AKAP8L: variants seen among roughly 807,000 people sequenced by gnomAD.
The protein encoded by AKAP8L is A-kinase anchor protein 8-like.
AKAP8L carries 34 observed loss-of-function variants against 77.5 expected under a neutral mutation model. The observed-to-expected ratio is 0.44, with a 90% CI of 0.33 to 0.58. The LOEUF is 0.58. Ranked by LOEUF, AKAP8L falls within the 20% of genes least tolerant of loss-of-function variation. The probability of loss-of-function intolerance (pLI) is 0.02; values close to 1 mark genes in which losing one functional copy is unlikely to be tolerated. For synonymous variants in AKAP8L, 342 were observed against 340.7 expected (o/e 1.00, Z -0.04); for missense variants, 806 against 887.6 (o/e 0.91, Z 1.17).
intron 12 of AKAP8L, among the ~76,000 whole-genome samples, chr19:15,385,275 C>A (rs1431121038): frequency 6.7e-6 from 1 of 150,362 alleles, no homozygotes; most frequent in African/African-American, 2.5e-5. Flanking sequence ...CCGCGCCCGG[C>A]CTTTCATGCC....
chr19:15,386,112 G>A (rs917708837), intron 12 of AKAP8L, among the ~76,000 whole-genome samples: 2 of 151,702 alleles, frequency 1.3e-5, no homozygotes, highest in African/African-American at 2.4e-5. Flanking sequence ...GGGTTTCACC[G>A]TGTTAGCCAG....
intron 12 of AKAP8L, among the ~76,000 whole-genome samples, chr19:15,389,219 C>T (rs1475103084): frequency 3.1e-5 from 4 of 127,796 alleles, no homozygotes; most frequent in Middle Eastern, 4.3e-3. Flanking sequence ...AGCGAGACTC[C>T]ATCACAAAAA....
At chr19:15,400,027 C>G in intron 8 of AKAP8L, 1 of 552,452 alleles carries the variant, frequency 1.8e-6, no homozygotes, top group Non-Finnish European at 3.2e-6. Context: ...GTTCCCCACA[C>G]TTTTACTAGC....
rs1193576364 is a variant in AKAP8L, at chr19:15,398,645, T to G, written c.1157+657A>C. On this transcript the variant is annotated intron_variant, in intron 9 of 13. Coordinates refer to ENST00000397410, the MANE Select transcript of AKAP8L (RefSeq NM_014371.4). This position sits in a 1 kb window ranked among gnomAD's most constrained non-coding sequence, Gnocchi z 9.2. ...GGGTCCCTACCTCTGCCGGACGTCC[T>G]TATCTGGGCCACGGGGTCAGCTTTG... is the stretch of plus-strand genomic sequence containing the variant. The G allele has an allele frequency of 2.0e-6, 2 of 986,448 alleles. No individual in the cohort carries two copies. The highest frequency in any genetic ancestry group is 3.5e-5 in the African/African-American group (2 of 57,166). The allele number at this position is 986,448 out of a possible 1,614,324, so 61.1% of individuals were successfully genotyped here.
At chr19:15,388,937 G>A (rs1480722688) in intron 12 of AKAP8L, among the ~76,000 whole-genome samples, 1 of 147,402 alleles carries the variant, frequency 6.8e-6, no homozygotes, top group Non-Finnish European at 1.5e-5. Flanking sequence ...GAACTTGGCC[G>A]AGCTCGGTGG....
Position 15,401,701 on chromosome 19 carries a change from A to C in AKAP8L, c.363-98T>G. On this transcript the variant is annotated intron_variant, in intron 4 of 13. Coordinates refer to ENST00000397410, the MANE Select transcript of AKAP8L (RefSeq NM_014371.4). The surrounding 1 kb of genome is among the most constrained non-coding windows in gnomAD (Gnocchi z 6.2). Reference sequence around the variant, plus strand: ...TCCCCAATCTCCCAGTCCAGCACCCACCCTGCCCTGGTTGGGAGGCTCAAT... The same window carrying C: ...TCCCCAATCTCCCAGTCCAGCACCCCCCCTGCCCTGGTTGGGAGGCTCAAT... 1 of 972,350 alleles carries C rather than the reference A, an allele frequency of 1.0e-6. No individual in the cohort carries two copies. The highest frequency in any genetic ancestry group is 1.5e-6 in the Non-Finnish European group (1 of 672,778). 60.2% of individuals were successfully genotyped at this position (972,350 alleles called of 1,614,324 possible). A position where few individuals can be genotyped will look rare whatever the true frequency, so the allele number is the denominator to read the frequency against.
intron 1 of AKAP8L, among the ~76,000 whole-genome samples, chr19:15,412,193 G>A (rs1188640587): frequency 6.6e-6 from 1 of 152,120 alleles, no homozygotes; most frequent in Non-Finnish European, 1.5e-5. Context: ...AGGCGACAGA[G>A]CAAGACTCCG....
chr19:15,393,001 A>G (rs566137397), intron 12 of AKAP8L, among the ~76,000 whole-genome samples: 58 of 152,228 alleles, frequency 3.8e-4, no homozygotes, highest in African/African-American at 1.3e-3. Context: ...AAATGAAAAG[A>G]CATCCCATAT....
chr19:15,418,604 C>G (rs1042832096), intron 1 of AKAP8L, among the ~76,000 whole-genome samples: 2 of 152,144 alleles, frequency 1.3e-5, no homozygotes, highest in African/African-American at 4.8e-5. Flanking sequence ...GGTCCAGGAG[C>G]GCAGGCCAGG....
intron 8 of AKAP8L, 54 bp downstream of exon 8, chr19:15,400,241 A>G (rs1367998399): frequency 2.5e-6 from 4 of 1,589,312 alleles, no homozygotes; most frequent in Admixed American, 1.7e-5. Context: ...GGTCCCTCCC[A>G]CTGTGAGCCC....
chr19:15,395,396 A>G (rs1454257211), intron 12 of AKAP8L, among the ~76,000 whole-genome samples: 10 of 151,700 alleles, frequency 6.6e-5, no homozygotes, highest in Non-Finnish European at 1.0e-4. Flanking sequence ...GCTCACTGCC[A>G]CCTCTGCCTC....
chr19:15,386,964 TC>T (rs1967551838), intron 12 of AKAP8L, among the ~76,000 whole-genome samples: 1 of 152,140 alleles, frequency 6.6e-6, no homozygotes, highest in Non-Finnish European at 1.5e-5. Context: ...CAGCCGGATG[TC>T]AGTATCTCTC....
Position 15,401,677 on chromosome 19 carries a change from C to G in AKAP8L, c.363-74G>C. The G allele has an allele frequency of 8.2e-7, 1 of 1,213,050 alleles. No individual in the cohort carries two copies. Among genetic ancestry groups the G allele is most frequent in the East Asian group, 2.6e-5 (1 of 39,062 alleles). The allele number at this position is 1,213,050 out of a possible 1,614,324, so 75.1% of individuals were successfully genotyped here. A position where few individuals can be genotyped will look rare whatever the true frequency, so the allele number is the denominator to read the frequency against. ...ACCTCCAGGCAACTGCTCCTGCCCT[C>G]CCCAATCTCCCAGTCCAGCACCCAC... is the stretch of plus-strand genomic sequence containing the variant. On this transcript the variant is annotated intron_variant, in intron 4 of 13. Coordinates refer to ENST00000397410, the MANE Select transcript of AKAP8L (RefSeq NM_014371.4). The surrounding 1 kb of genome is among the most constrained non-coding windows in gnomAD (Gnocchi z 6.2).
In AKAP8L at chr19:15,401,574, C is replaced by T. The variant is rs1260541021; in HGVS notation, c.392G>A (p.Arg131Lys). Residue 131 changes from arginine to lysine, a missense_variant, in exon 5 of 14, where the codon AGG (arginine) becomes AAG (lysine). Physicochemically the swap from Arg to Lys is conservative, Grantham distance 26 (BLOSUM62 2). Transcript: ENST00000397410. The surrounding 1 kb of genome is among the most constrained non-coding windows in gnomAD (Gnocchi z 6.2). ...CAGGTCGCGCTCACTCAGGACGGCC[C>T]TCGAGTCGCAGGACTCATAAGAGTC... ...RYDSYESCDSRAVLSERDLYR... is the reference protein window; with the variant it reads ...RYDSYESCDSKAVLSERDLYR... 3 of 1,608,530 alleles carry T rather than the reference C, an allele frequency of 1.9e-6. No individual in the cohort carries two copies. The highest frequency in any genetic ancestry group is 1.7e-5 in the Admixed American group (1 of 59,612).
rs565853529 is a variant in AKAP8L, at chr19:15,401,398, C to T, written c.568G>A (p.Gly190Ser). The T allele has an allele frequency of 2.2e-5, 36 of 1,613,234 alleles. No individual in the cohort carries two copies. In the East Asian group the frequency reaches 2.5e-4, roughly 11 times the overall value. Residue 190 changes from glycine to serine, a missense_variant, in exon 5 of 14, where the codon GGC (glycine) becomes AGC (serine). Gly to Ser is a moderately conservative substitution (Grantham distance 56). Coordinates refer to ENST00000397410, the MANE Select transcript of AKAP8L (RefSeq NM_014371.4). This position sits in a 1 kb window ranked among gnomAD's most constrained non-coding sequence, Gnocchi z 6.2. Reference protein sequence around the residue: ...AQGWARDARSGRPMASGYGRM... With the variant: ...AQGWARDARSSRPMASGYGRM... ...CCATAGCCTGAGGCCATTGGCCGGCCGCTCCGGGCATCCCGGGCCCAGCCC... is the reference window on the plus strand; with the variant it reads ...CCATAGCCTGAGGCCATTGGCCGGCTGCTCCGGGCATCCCGGGCCCAGCCC...
chr19:15,401,066 C>G lies in AKAP8L; in HGVS notation c.817-23G>C. ...GGTCTGGGTCATAAGGGGGGGAAGC[C>G]GTGTCAGGGTGCATGGCACCCGGCC... On this transcript the variant is annotated intron_variant, in intron 5 of 13. Transcript: ENST00000397410. The surrounding 1 kb of genome is among the most constrained non-coding windows in gnomAD (Gnocchi z 6.2). 1.2e-6 allele frequency: 2 copies of G among 1,610,278 alleles called. No individual in the cohort carries two copies. Among genetic ancestry groups the G allele is most frequent in the South Asian group, 2.2e-5 (2 of 91,078 alleles).
At chr19:15,409,710 G>A (rs1968071751) in intron 2 of AKAP8L, among the ~76,000 whole-genome samples, 2 of 152,174 alleles carry the variant, frequency 1.3e-5, no homozygotes. Context: ...AACAGCATCT[G>A]TGAATCCTAC....
intron 12 of AKAP8L, among the ~76,000 whole-genome samples, chr19:15,387,790 C>T (rs1967570730): frequency 6.6e-6 from 1 of 152,200 alleles, no homozygotes; most frequent in African/African-American, 2.4e-5. Flanking sequence ...GAAACCCCGT[C>T]TCTACTAACA....
Position 15,399,242 on chromosome 19 carries a change from C to A in AKAP8L, c.1157+60G>T. On this transcript the variant is annotated intron_variant, in intron 9 of 13. Transcript: ENST00000397410. The surrounding 1 kb of genome is among the most constrained non-coding windows in gnomAD (Gnocchi z 6.1). ...GCGAGCTGGCAGAGCTATGGCCCTGCTCTCCTGGCGGCAGCCCCACAGCGA... is the reference window on the plus strand; with the variant it reads ...GCGAGCTGGCAGAGCTATGGCCCTGATCTCCTGGCGGCAGCCCCACAGCGA... The A allele has an allele frequency of 2.0e-6, 3 of 1,485,506 alleles. No individual in the cohort carries two copies. Among genetic ancestry groups the A allele is most frequent in the Non-Finnish European group, 2.8e-6 (3 of 1,064,424 alleles). 92.0% of individuals were successfully genotyped at this position (1,485,506 alleles called of 1,614,324 possible).
Sources: allele counts gnomAD v4.1 joint callset (sites outside exome capture counted in the v4.1 genomes callset), GRCh38; gene constraint gnomAD v4.1.1; non-coding constraint Gnocchi (gnomAD v3.1); transcripts MANE v1.5; gene names NCBI Gene and HGNC (gene_info 2026-07-23, HGNC 2026-07-21).